Variants in DGKB observed in about 807,000 individuals in gnomAD.
DGKB encodes the protein 90 kDa diacylglycerol kinase.
DGKB carries 67 observed loss-of-function variants against 114.3 expected under a neutral mutation model. That is an observed-to-expected ratio of 0.59 (90% CI 0.48 to 0.72). The LOEUF (loss-of-function observed/expected upper bound fraction) is 0.72, where lower values mean the gene tolerates loss of function less well. Ranked by LOEUF, DGKB falls within the 30% of genes least tolerant of loss-of-function variation. The pLI, the probability that DGKB is intolerant of heterozygous loss-of-function variation, is 0.00. For synonymous variants in DGKB, 398 were observed against 323.1 expected, an observed-to-expected ratio of 1.23 and a Z score of -2.49; for missense variants, 907 against 975.2, an observed-to-expected ratio of 0.93 and a Z score of 0.93.
intron 1 of DGKB, among the ~76,000 whole-genome samples, chr7:14,872,952 G>A (rs1852700241): frequency 6.6e-6 from 1 of 151,888 alleles, no homozygotes; most frequent in African/African-American, 2.4e-5. Context: ...AAGAGAGTAA[G>A]AACACAAATA....
chr7:14,478,175 C>G lies in DGKB; in HGVS notation c.1821G>C (p.Glu607Asp). 1 of 1,602,390 alleles carries G rather than the reference C, an allele frequency of 6.2e-7. No homozygotes were observed. The highest frequency in any genetic ancestry group is 8.5e-7 in the Non-Finnish European group (1 of 1,173,076). ...TGTCACCTTACCTACTGTTGAATTT[C>G]TCTGGGTGTTTTTCTCTCATGATGT... is the stretch of plus-strand genomic sequence containing the variant. ...RFHIMREKHP[E>D]KFNSRMKNKF... is the part of the protein sequence containing the mutation. Residue 607 changes from glutamate to aspartate, a missense_variant, in exon 21 of 26, where the codon GAG (glutamate) becomes GAC (aspartate). This residue lies in a region of DGKB where 814 missense variants were observed against 856.6 expected (regional missense o/e 0.95). Transcript: ENST00000402815.
At chr7:14,662,244 T>G (rs1435151059) in intron 13 of DGKB, among the ~76,000 whole-genome samples, 1 of 150,746 alleles carries the variant, frequency 6.6e-6, no homozygotes, top group Non-Finnish European at 1.5e-5. Context: ...AAAAGAGATA[T>G]GAGAGTTGGC....
At chr7:14,573,518 C>T (rs1396357151) in intron 20 of DGKB, among the ~76,000 whole-genome samples, 1 of 149,376 alleles carries the variant, frequency 6.7e-6, no homozygotes, top group Non-Finnish European at 1.5e-5. Flanking sequence ...TGAGATGTGA[C>T]ATGACATAAA....
intron 23 of DGKB, among the ~76,000 whole-genome samples, chr7:14,258,360 T>A (rs1350181124): frequency 1.3e-5 from 2 of 152,220 alleles, no homozygotes; most frequent in Non-Finnish European, 2.9e-5. Flanking sequence ...ATTATAACTT[T>A]TTAAAGTTAA....
At chr7:14,273,763 T>C (rs1282068249) in intron 23 of DGKB, among the ~76,000 whole-genome samples, 1 of 152,222 alleles carries the variant, frequency 6.6e-6, no homozygotes, top group Non-Finnish European at 1.5e-5. Flanking sequence ...TACCACTCAG[T>C]TGTTACTAGT....
chr7:14,462,166 G>C (rs555413307), intron 21 of DGKB, among the ~76,000 whole-genome samples: 5 of 152,188 alleles, frequency 3.3e-5, no homozygotes, highest in Admixed American at 3.3e-4. Flanking sequence ...ATGGGCAAAA[G>C]CTGGAACTAT....
intron 1 of DGKB, among the ~76,000 whole-genome samples, chr7:14,951,783 T>C (rs1276476909): frequency 7.2e-5 from 11 of 151,914 alleles, no homozygotes; most frequent in East Asian, 1.9e-4. Context: ...TAGAACTCTA[T>C]TTTCTACTCA....
At chr7:14,464,424 G>A (rs1351802896) in intron 21 of DGKB, among the ~76,000 whole-genome samples, 1 of 152,068 alleles carries the variant, frequency 6.6e-6, no homozygotes, top group Non-Finnish European at 1.5e-5. Flanking sequence ...TGAAAAGTAA[G>A]TAAACAAAAT....
intron 23 of DGKB, among the ~76,000 whole-genome samples, chr7:14,250,136 T>A (rs2884321): frequency 0.18 from 12,173 of 66,758 alleles, 820 homozygotes; most frequent in East Asian, 0.41. Flanking sequence ...ATATATATTT[T>A]TTTTTTTTTT....
chr7:14,662,757 A>C (rs1052586540), intron 13 of DGKB, among the ~76,000 whole-genome samples: 3 of 151,968 alleles, frequency 2.0e-5, no homozygotes, highest in African/African-American at 7.2e-5. Context: ...GTGAAAAAAA[A>C]ACCTAAAAAT....
At chr7:14,698,031 G>T (rs146857091) in intron 8 of DGKB, 64 bp downstream of exon 8, 1 of 831,450 alleles carries the variant, frequency 1.2e-6, no homozygotes, top group Non-Finnish European at 2.0e-6. Flanking sequence ...AAGAAAGAAA[G>T]AAAGAAAAGA....
At chr7:14,158,225 C>T (rs1584113632) in intron 25 of DGKB, among the ~76,000 whole-genome samples, 1 of 152,304 alleles carries the variant, frequency 6.6e-6, no homozygotes, top group Admixed American at 6.5e-5. Flanking sequence ...CGTGGAAACA[C>T]ATTTTGCTAA....
chr7:14,307,718 A>G (rs1804716121), intron 23 of DGKB, among the ~76,000 whole-genome samples: 1 of 152,200 alleles, frequency 6.6e-6, no homozygotes, highest in African/African-American at 2.4e-5. Flanking sequence ...TCACTTATAC[A>G]TTGCTAAGTA....
At position 14,757,687 on chromosome 7, in the gene DGKB, T is replaced by C. The variant is rs1406206386; in HGVS notation, c.115A>G (p.Asn39Asp). The change falls in exon 3 of 26, where the codon AAT (asparagine) becomes GAT (aspartate). Residue 39 changes from asparagine (N) to aspartate (D), a missense_variant. Physicochemically the swap from Asn to Asp is conservative, Grantham distance 23. Transcript: ENST00000402815. Reference sequence around the variant, plus strand: ...GGATTATACTTTGCAAGCACACCATTACCATGGAATTCTTCAAGAACATCC... The same window carrying C: ...GGATTATACTTTGCAAGCACACCATCACCATGGAATTCTTCAAGAACATCC... ...LKDVLEEFHG[N>D]GVLAKYNPEG... is the part of the protein sequence containing the mutation. 3 of 1,605,382 alleles carry C rather than the reference T, an allele frequency of 1.9e-6. No homozygotes were observed. Among genetic ancestry groups the C allele is most frequent in the East Asian group, 2.2e-5 (1 of 44,698 alleles).
At chr7:14,952,112 T>C (rs1008911072) in intron 1 of DGKB, among the ~76,000 whole-genome samples, 3 of 151,920 alleles carry the variant, frequency 2.0e-5, no homozygotes, top group African/African-American at 2.4e-5. Context: ...AAAGGAAAAT[T>C]TGGACACATA....
chr7:14,235,613 A>G (rs182949250), intron 23 of DGKB, among the ~76,000 whole-genome samples: 2 of 152,194 alleles, frequency 1.3e-5, no homozygotes, highest in African/African-American at 2.4e-5. Flanking sequence ...ATTGCAGCAT[A>G]TTGTTTATAA....
At chr7:14,916,620 C>T (rs1784251633) in intron 1 of DGKB, among the ~76,000 whole-genome samples, 1 of 151,642 alleles carries the variant, frequency 6.6e-6, no homozygotes, top group South Asian at 2.1e-4. Flanking sequence ...TGTGTGTGCA[C>T]CTAAAAACAG....
At chr7:14,477,791 A>G (rs1042716370) in intron 21 of DGKB, among the ~76,000 whole-genome samples, 1 of 152,168 alleles carries the variant, frequency 6.6e-6, no homozygotes, top group Non-Finnish European at 1.5e-5. Flanking sequence ...TGTAATATAC[A>G]CTTAGCATTA....
At chr7:14,586,604 G>A (rs1373117290) in intron 17 of DGKB, among the ~76,000 whole-genome samples, 1 of 152,088 alleles carries the variant, frequency 6.6e-6, no homozygotes, top group Non-Finnish European at 1.5e-5. Context: ...TAGCTACAAA[G>A]GAGAAGTCAA....
Sources: gnomAD v4.1 joint callset for allele counts (sites outside exome capture counted in the v4.1 genomes callset) on GRCh38, gnomAD v4.1.1 for gene constraint, gnomAD v4.1.1 regional missense constraint, MANE v1.5 for transcripts, NCBI Gene and HGNC (gene_info 2026-07-23, HGNC 2026-07-21) for gene names.